Variants in UPK1B observed in about 807,000 individuals in gnomAD.
UPK1B encodes uroplakin-1b.
Under a neutral mutation model 34.2 loss-of-function variants are expected in UPK1B, and 28 were observed. That is an observed-to-expected ratio of 0.82 (90% confidence interval 0.61 to 1.12). UPK1B has a LOEUF of 1.12. Ranked by LOEUF, UPK1B falls within the 50% of genes most tolerant of loss-of-function variation. The probability of loss-of-function intolerance (pLI) is 0.00; values close to 1 mark genes in which losing one functional copy is unlikely to be tolerated. For missense variants in UPK1B, 325 were observed against 320.9 expected (o/e 1.01, Z -0.10); for synonymous variants, 81 against 110.4 (o/e 0.73, Z 1.67).
intron 6 of UPK1B, among the ~76,000 whole-genome samples, chr3:119,195,170 A>G (rs1281340090): frequency 6.6e-6 from 1 of 152,180 alleles, no homozygotes; most frequent in African/African-American, 2.4e-5. Context: ...CTTTTGAAAC[A>G]TGAGTTTTCT....
intron 6 of UPK1B, among the ~76,000 whole-genome samples, chr3:119,194,749 A>G (rs1260046883): frequency 2.0e-5 from 3 of 152,240 alleles, no homozygotes; most frequent in Admixed American, 2.0e-4. Flanking sequence ...GGAAGGGATG[A>G]TGTGCAAAAA....
chr3:119,199,374 G>A (rs1457481380), intron 7 of UPK1B, among the ~76,000 whole-genome samples: 1 of 152,120 alleles, frequency 6.6e-6, no homozygotes, highest in Non-Finnish European at 1.5e-5. Context: ...TCCTTCTTCC[G>A]GCTGATGGGC....
intron 3 of UPK1B, among the ~76,000 whole-genome samples, chr3:119,189,930 T>G (rs931266174): frequency 5.3e-5 from 8 of 152,234 alleles, no homozygotes; most frequent in African/African-American, 1.9e-4. Flanking sequence ...ATGTAAATGC[T>G]CACATGTGTG....
chr3:119,180,990 CT>C (rs1170882048), intron 1 of UPK1B, among the ~76,000 whole-genome samples: 2 of 152,206 alleles, frequency 1.3e-5, no homozygotes, highest in Non-Finnish European at 2.9e-5. Context: ...TTGACACAGA[CT>C]TTGTAAGGTC....
At chr3:119,192,358 G>A (rs1176670621) in intron 5 of UPK1B, among the ~76,000 whole-genome samples, 4 of 151,944 alleles carry the variant, frequency 2.6e-5, no homozygotes, top group Non-Finnish European at 4.4e-5. Context: ...CAAGCCCACC[G>A]AGTAGAATAT....
intron 3 of UPK1B, 150 bp from the exon 4 acceptor site, chr3:119,190,095 C>A (rs1207055709): frequency 5.2e-6 from 3 of 573,538 alleles, no homozygotes; most frequent in Non-Finnish European, 9.1e-6. Flanking sequence ...AAGCCTCAAT[C>A]CAAGCCACTG....
intron 6 of UPK1B, among the ~76,000 whole-genome samples, chr3:119,198,818 G>C (rs150774753): frequency 1.5e-3 from 233 of 152,306 alleles, no homozygotes; most frequent in Admixed American, 3.5e-3. Context: ...TTTTTAGTGA[G>C]ATTAAGTGAT....
intron 1 of UPK1B, among the ~76,000 whole-genome samples, chr3:119,175,323 G>A (rs1046994848): frequency 6.6e-6 from 1 of 151,976 alleles, no homozygotes; most frequent in Admixed American, 6.5e-5. Context: ...CACCGCACCC[G>A]GCCAAAACTC....
At chr3:119,185,049 A>G (rs1396749882) in intron 1 of UPK1B, among the ~76,000 whole-genome samples, 1 of 152,250 alleles carries the variant, frequency 6.6e-6, no homozygotes, top group Non-Finnish European at 1.5e-5. Context: ...CAATAACTGG[A>G]AAGAATGAAT....
At chr3:119,200,816 C>T (rs7625545) in intron 7 of UPK1B, among the ~76,000 whole-genome samples, 5,239 of 152,260 alleles carry the variant, frequency 0.034, 195 homozygotes, top group East Asian at 0.13. Flanking sequence ...ACAACCATAG[C>T]GTGTCTGTTC....
rs554635527 is a variant in UPK1B at position 119,181,323 on chromosome 3, A to G, written c.-28-5391A>G. 8.5e-5 allele frequency among the ~76,000 whole-genome samples: 13 copies of G among 152,318 alleles called. No homozygotes were observed. The East Asian group carries it at 2.5e-3, about 29-fold the overall frequency. On this transcript the variant is annotated intron_variant, in intron 1 of 7. Coordinates refer to ENST00000264234, the MANE Select transcript of UPK1B (RefSeq NM_006952.4). ...TGTTGCTCTGTATCAAAAAAATAAT[A>G]ATAATAAACCACTGGTTTTAGGTAC...
In UPK1B at chr3:119,204,912, A is replaced by T. The variant is rs1419063450; in HGVS notation, c.*945A>T. The T allele has an allele frequency of 1.3e-5, 2 of 152,292 alleles. No homozygotes were observed. The highest frequency in any genetic ancestry group is 2.9e-5 in the Non-Finnish European group (2 of 68,096). The allele number at this position is 152,292 out of a possible 1,614,324, so 9.4% of individuals were successfully genotyped here. A position where few individuals can be genotyped will look rare whatever the true frequency, so the allele number is the denominator to read the frequency against. On this transcript the variant is annotated 3_prime_UTR_variant, in exon 8 of 8. Coordinates refer to ENST00000264234, the MANE Select transcript of UPK1B (RefSeq NM_006952.4). ...AAAGCGTGGGGACTTCTGGGGACAG[A>T]CAAGGTGCCTGTTATATATTTACTC...
intron 1 of UPK1B, among the ~76,000 whole-genome samples, chr3:119,184,747 A>T (rs747874916): frequency 8.5e-5 from 13 of 152,194 alleles, no homozygotes; most frequent in South Asian, 2.1e-4. Context: ...ATAATAATAA[A>T]AATAAACTTC....
chr3:119,200,756 A>G (rs1198614196), intron 7 of UPK1B, among the ~76,000 whole-genome samples: 2 of 152,206 alleles, frequency 1.3e-5, no homozygotes, highest in Admixed American at 1.3e-4. Flanking sequence ...GAAGTGACAG[A>G]CTCACTTTGT....
At chr3:119,198,976 A>G in intron 6 of UPK1B, 81 bp from the exon 7 acceptor site, 1 of 1,510,072 alleles carries the variant, frequency 6.6e-7, no homozygotes, top group Non-Finnish European at 9.1e-7. Context: ...CATTGATTCC[A>G]ATAGGAACCT....
intron 1 of UPK1B, among the ~76,000 whole-genome samples, chr3:119,183,350 C>T (rs1217741658): frequency 6.6e-6 from 1 of 151,722 alleles, no homozygotes; most frequent in Non-Finnish European, 1.5e-5. Context: ...CAACCTCCAC[C>T]TCCCAGGTTC....
rs562654822 is a variant in UPK1B at position 119,187,896 on chromosome 3, T to C, written c.191T>C (p.Phe64Ser). 6.2e-6 allele frequency: 10 copies of C among 1,614,114 alleles called. No individual in the cohort carries two copies. Among genetic ancestry groups the C allele is most frequent in the South Asian group, 5.5e-5 (5 of 91,058 alleles). Residue 64 changes from phenylalanine to serine, a missense_variant, in exon 3 of 8, where the codon TTT (phenylalanine) becomes TCT (serine). Physicochemically the swap from Phe to Ser is radical, Grantham distance 155. Coordinates refer to ENST00000264234, the MANE Select transcript of UPK1B (RefSeq NM_006952.4). ...DIYGAAWIGI[F>S]VGICLFCLSV... is the part of the protein sequence containing the mutation. ...TATGGGGCTGCCTGGATCGGCATAT[T>C]TGTGGGCATCTGCCTCTTCTGCCTG... is the stretch of plus-strand genomic sequence containing the variant.
chr3:119,187,872 A>C lies in UPK1B; in HGVS notation c.167A>C (p.Tyr56Ser). 2.5e-6 allele frequency: 4 copies of C among 1,614,076 alleles called. No individual in the cohort carries two copies. Among genetic ancestry groups the C allele is most frequent in the Non-Finnish European group, 3.4e-6 (4 of 1,180,008 alleles). ...LLEATDNDDI[Y>S]GAAWIGIFVG... The stretch of plus-strand genomic sequence containing the variant: ...GAAGCCACCGACAACGATGACATCT[A>C]TGGGGCTGCCTGGATCGGCATATTT... Residue 56 changes from tyrosine (Y) to serine (S), a missense_variant, in exon 3 of 8, where the codon TAT (tyrosine) becomes TCT (serine). Physicochemically the swap from Tyr to Ser is moderately radical, Grantham distance 144. Coordinates refer to ENST00000264234, the MANE Select transcript of UPK1B (RefSeq NM_006952.4).
Position 119,204,048 on chromosome 3 carries a change from C to G in UPK1B, c.*81C>G. 1 of 1,500,248 alleles carries G rather than the reference C, an allele frequency of 6.7e-7. No homozygotes were observed. Among genetic ancestry groups the G allele is most frequent in the Non-Finnish European group, 9.2e-7 (1 of 1,083,626 alleles). 92.9% of individuals were successfully genotyped at this position (1,500,248 alleles called of 1,614,324 possible). ...GAACCAGCTCTCTCCTAATATTCCA[C>G]GTTTGTGCCCCACACTAACGTGTGT... On this transcript the variant is annotated 3_prime_UTR_variant, in exon 8 of 8. Coordinates refer to ENST00000264234, the MANE Select transcript of UPK1B (RefSeq NM_006952.4).
Sources: allele counts gnomAD v4.1 joint callset (sites outside exome capture counted in the v4.1 genomes callset), GRCh38; gene constraint gnomAD v4.1.1; transcripts MANE v1.5; gene names NCBI Gene and HGNC (gene_info 2026-07-23, HGNC 2026-07-21).